Variants in SCAF1 observed in about 807,000 individuals in gnomAD.
The protein encoded by SCAF1 is SR-related CTD associated factor 1.
SCAF1 carries 28 observed loss-of-function variants against 91.2 expected under a neutral mutation model. The observed-to-expected ratio is 0.31, with a 90% CI of 0.23 to 0.42. The LOEUF (loss-of-function observed/expected upper bound fraction) is 0.42, where lower values mean the gene tolerates loss of function less well. Among genes scored for constraint, SCAF1 ranks in the 10% least tolerant of loss-of-function variants. The pLI, the probability that SCAF1 is intolerant of heterozygous loss-of-function variation, is 1.00. For missense variants in SCAF1, 1,893 were observed against 1,872.1 expected, an observed-to-expected ratio of 1.01 and a Z score of -0.21; for synonymous variants, 1,036 against 833.7, an observed-to-expected ratio of 1.24 and a Z score of -4.18.
upstream of SCAF1, among the ~76,000 whole-genome samples, chr19:49,641,277 A>T (rs2081024778): frequency 6.6e-6 from 1 of 152,130 alleles, no homozygotes; most frequent in Non-Finnish European, 1.5e-5. Flanking sequence ...GTACTGAACG[A>T]GGCGGCTATG....
rs1298721538 is a variant in SCAF1, at chr19:49,652,326, G to A, written c.1937G>A (p.Arg646Gln). Reference sequence around the variant, plus strand: ...GGCGGCAGCAAGAAGAAGAAGAAGCGGTCGCGGTCCCGGGGTGAGAAGCGG... The same window carrying A: ...GGCGGCAGCAAGAAGAAGAAGAAGCAGTCGCGGTCCCGGGGTGAGAAGCGG... ...DGGGSKKKKK[R>Q]SRSRGEKRSG... The change falls in exon 7 of 11, where the codon CGG (arginine) becomes CAG (glutamine). Residue 646 changes from arginine (R) to glutamine (Q), a missense_variant. Coordinates refer to ENST00000360565, the MANE Select transcript of SCAF1 (RefSeq NM_021228.3). The A allele has an allele frequency of 3.9e-6, 6 of 1,535,014 alleles. No homozygotes were observed. The highest frequency in any genetic ancestry group is 1.7e-4 in the Middle Eastern group (1 of 5,934).
rs188673709 is a variant in SCAF1, at chr19:49,654,065, C to G, written c.3317-284C>G. ...GCAGAGGTGGGGAGAGAGGTTGGGA[C>G]TGGCCACAGCGGGTCAGGAGGCAGA... On this transcript the variant is annotated intron_variant, in intron 7 of 10. Coordinates refer to ENST00000360565, the MANE Select transcript of SCAF1 (RefSeq NM_021228.3). Among the ~76,000 whole-genome samples, 57 of 152,256 alleles carry G rather than the reference C, an allele frequency of 3.7e-4. No homozygotes were observed. In the East Asian group the frequency reaches 0.011, roughly 29 times the overall value.
intron 6 of SCAF1, among the ~76,000 whole-genome samples, chr19:49,647,421 G>A (rs2081062082): frequency 6.6e-6 from 1 of 152,202 alleles, no homozygotes; most frequent in Admixed American, 6.5e-5. Context: ...GCAGGTCTGG[G>A]GTGGGACCTG....
chr19:49,645,443 G>GC lies in SCAF1; in HGVS notation c.166+37dup, dbSNP rs747493179. On this transcript the variant is annotated intron_variant, in intron 3 of 10. Coordinates refer to ENST00000360565, the MANE Select transcript of SCAF1 (RefSeq NM_021228.3). The surrounding 1 kb of genome is among the most constrained non-coding windows in gnomAD (Gnocchi z 4.6). ...CGGCTTCCGGTTCCTTTTAGCCCCT[G>GC]CCCCCTCTCTGCATTCTTTATCCTA... 1.3e-6 allele frequency: 2 copies of GC among 1,595,910 alleles called. No homozygotes were observed. Among genetic ancestry groups the GC allele is most frequent in the South Asian group, 2.2e-5 (2 of 90,104 alleles).
At position 49,645,399 on chromosome 19, in the gene SCAF1, C is replaced by T; in HGVS notation, c.154C>T (p.Pro52Ser). Residue 52 changes from proline (P) to serine (S), a missense_variant, in exon 3 of 11, where the codon CCC becomes TCC. Physicochemically the swap from Pro to Ser is moderately conservative, Grantham distance 74. This residue lies in a region of SCAF1 where 270 missense variants were observed against 292.5 expected (regional missense o/e 0.92). Coordinates refer to ENST00000360565, the MANE Select transcript of SCAF1 (RefSeq NM_021228.3). This position sits in a 1 kb window ranked among gnomAD's most constrained non-coding sequence, Gnocchi z 4.6. ...AVGSSLQGDL[P>S]NDKDGSRCHG... ...GGGAAGCTCCCTGCAGGGGGACCTG[C>T]CCAATGATAAAGGTATGGCGGCTTC... 1 of 1,613,732 alleles carries T rather than the reference C, an allele frequency of 6.2e-7. No homozygotes were observed. The highest frequency in any genetic ancestry group is 8.5e-7 in the Non-Finnish European group (1 of 1,179,830).
In SCAF1 at chr19:49,653,374, G is replaced by A; in HGVS notation, c.2985G>A (p.Val995=). ...PPALTPDSQT[V]DSSCKTPEVS... ...CCCTCACTCCGGACTCGCAGACCGTGGACAGCAGCTGCAAGACACCTGAGG... is the reference window on the plus strand; with the variant it reads ...CCCTCACTCCGGACTCGCAGACCGTAGACAGCAGCTGCAAGACACCTGAGG... Residue 995 remains valine, a synonymous_variant, in exon 7 of 11, where the codon GTG becomes GTA. Coordinates refer to ENST00000360565, the MANE Select transcript of SCAF1 (RefSeq NM_021228.3). The A allele has an allele frequency of 6.6e-7, 1 of 1,519,970 alleles. No homozygotes were observed. The highest frequency in any genetic ancestry group is 8.8e-7 in the Non-Finnish European group (1 of 1,131,574). 94.2% of individuals were successfully genotyped at this position (1,519,970 alleles called of 1,614,324 possible).
At position 49,657,922 on chromosome 19, in the gene SCAF1, C is replaced by A. The variant is rs769184425; in HGVS notation, c.3747+33C>A. ...CCCGGAGAGAGGGGCAGACACAGGCCGGGGAGAGAACGAGCTGGAGGGACA... is the reference window on the plus strand; with the variant it reads ...CCCGGAGAGAGGGGCAGACACAGGCAGGGGAGAGAACGAGCTGGAGGGACA... On this transcript the variant is annotated intron_variant, in intron 10 of 10. Transcript: ENST00000360565. 5 of 1,604,620 alleles carry A rather than the reference C, an allele frequency of 3.1e-6. No homozygotes were observed. The Middle Eastern group carries it at 5.0e-4, about 159-fold the overall frequency.
At chr19:49,655,008 C>T (rs930965598) in intron 9 of SCAF1, 138 bp downstream of exon 9, 2 of 665,556 alleles carry the variant, frequency 3.0e-6, no homozygotes, top group African/African-American at 1.8e-5. Flanking sequence ...GTCATGGAAC[C>T]ATAAGGAACT....
At position 49,645,485 on chromosome 19, in the gene SCAF1, C is replaced by A; in HGVS notation, c.166+74C>A. 1 of 1,504,748 alleles carries A rather than the reference C, an allele frequency of 6.6e-7. No homozygotes were observed. The highest frequency in any genetic ancestry group is 9.1e-7 in the Non-Finnish European group (1 of 1,101,406). The allele number at this position is 1,504,748 out of a possible 1,614,324, so 93.2% of individuals were successfully genotyped here. ...TTTATCCTAATGTCATTCATACAAG[C>A]TTTTCTGAAGCCTCCTGGGTGCCAC... On this transcript the variant is annotated intron_variant, in intron 3 of 10. Transcript: ENST00000360565. The surrounding 1 kb of genome is among the most constrained non-coding windows in gnomAD (Gnocchi z 4.6).
At chr19:49,641,543 CT>C (rs1432579493), upstream of SCAF1, among the ~76,000 whole-genome samples, 1 of 152,202 alleles carries the variant, frequency 6.6e-6, no homozygotes, top group African/African-American at 2.4e-5. Flanking sequence ...TCTTGAACTC[CT>C]GATATCAGAT....
rs139442151 is a variant in SCAF1, at chr19:49,645,047, T to A, written c.21T>A (p.Ser7=). Residue 7 remains serine, a synonymous_variant, in exon 2 of 11, where the codon TCT becomes TCA. Transcript: ENST00000360565. The surrounding 1 kb of genome is among the most constrained non-coding windows in gnomAD (Gnocchi z 4.6). ...TGACCATGGAGGAAGAAGATGAGTC[T>A]CGAGGGAAGACAGAGGAGTCGGGGG... MEEEDE[S]RGKTEESGED... is the part of the protein sequence containing the mutation. 384 of 1,613,892 alleles carry A rather than the reference T, an allele frequency of 2.4e-4. No homozygotes were observed. Among genetic ancestry groups the A allele is most frequent in the Non-Finnish European group, 2.9e-4 (342 of 1,179,936 alleles).
intron 10 of SCAF1, 46 bp from the exon 11 acceptor site, chr19:49,658,162 G>A: frequency 6.3e-7 from 1 of 1,582,974 alleles, no homozygotes; most frequent in African/African-American, 1.3e-5. Context: ...GGGTGGATGG[G>A]GCCCCGGGAG....
intron 1 of SCAF1, among the ~76,000 whole-genome samples, chr19:49,643,671 T>A (rs546206455): frequency 6.6e-6 from 1 of 152,336 alleles, no homozygotes; most frequent in Admixed American, 6.5e-5. Flanking sequence ...CAGCAGATGT[T>A]GATTAAGCTT....
At chr19:49,650,846 C>T (rs746067826) in intron 6 of SCAF1, 22 bp from the exon 7 acceptor site, 1 of 1,590,630 alleles carries the variant, frequency 6.3e-7, no homozygotes, top group Non-Finnish European at 8.6e-7. Context: ...CTGACCGCCT[C>T]TCTCTCCCTG....
intron 1 of SCAF1, among the ~76,000 whole-genome samples, chr19:49,643,053 T>C (rs2081036023): frequency 6.6e-6 from 1 of 152,226 alleles, no homozygotes; most frequent in Admixed American, 6.5e-5. Flanking sequence ...CAGAGCAGCT[T>C]GTGGCGAATA....
rs1473678943 is a variant in SCAF1 at position 49,652,018 on chromosome 19, G to A, written c.1629G>A (p.Pro543=). 4 of 1,207,806 alleles carry A rather than the reference G, an allele frequency of 3.3e-6. No individual in the cohort carries two copies. Among genetic ancestry groups the A allele is most frequent in the Non-Finnish European group, 3.1e-6 (3 of 962,946 alleles). 74.8% of individuals were successfully genotyped at this position (1,207,806 alleles called of 1,614,324 possible). A position where few individuals can be genotyped will look rare whatever the true frequency, so the allele number is the denominator to read the frequency against. The change falls in exon 7 of 11, where the codon CCG becomes CCA. Residue 543 remains proline (P), a synonymous_variant. Coordinates refer to ENST00000360565, the MANE Select transcript of SCAF1 (RefSeq NM_021228.3). The stretch of plus-strand genomic sequence containing the variant: ...CCTCGTCGGGCACCCAGCCAGCGCC[G>A]CCCGCCCCGGCCTCGCCCTGGGACT... ...ASSSSGTQPA[P]PAPASPWDSK...
chr19:49,652,409 T>C lies in SCAF1; in HGVS notation c.2020T>C (p.Ser674Pro). 6.3e-7 allele frequency: 1 copy of C among 1,592,272 alleles called. No homozygotes were observed. The highest frequency in any genetic ancestry group is 8.5e-7 in the Non-Finnish European group (1 of 1,173,538). The change falls in exon 7 of 11, where the codon TCG (serine) becomes CCG (proline). Residue 674 changes from serine to proline, a missense_variant. Transcript: ENST00000360565. The stretch of plus-strand genomic sequence containing the variant: ...CGCCCCGCCGCCCTCTGGCTCCACC[T>C]CGTGTGGTGACCGCGACAGCCGCCG... ...APAPPPSGST[S>P]CGDRDSRRRG... is the part of the protein sequence containing the mutation.
At position 49,646,491 on chromosome 19, in the gene SCAF1, C is replaced by G. The variant is rs1394654552; in HGVS notation, c.262-35C>G. The G allele has an allele frequency of 5.7e-6, 9 of 1,581,346 alleles. No individual in the cohort carries two copies. Among genetic ancestry groups the G allele is most frequent in the East Asian group, 2.2e-5 (1 of 44,676 alleles). The stretch of plus-strand genomic sequence containing the variant: ...CAGGATTTGCCAGTCTTCATGTGAC[C>G]AGGGACGGCGTAGAGCCTCTCTGGC... On this transcript the variant is annotated intron_variant, in intron 4 of 10. Coordinates refer to ENST00000360565, the MANE Select transcript of SCAF1 (RefSeq NM_021228.3). This position sits in a 1 kb window ranked among gnomAD's most constrained non-coding sequence, Gnocchi z 5.6.
intron 1 of SCAF1, among the ~76,000 whole-genome samples, chr19:49,643,858 G>C (rs898581532): frequency 6.6e-6 from 1 of 152,218 alleles, no homozygotes; most frequent in African/African-American, 2.4e-5. Flanking sequence ...GTGGAGCTGG[G>C]AGGCTGAATA....
Sources: gnomAD v4.1 joint callset for allele counts (sites outside exome capture counted in the v4.1 genomes callset) on GRCh38, gnomAD v4.1.1 for gene constraint, gnomAD v4.1.1 regional missense constraint, Gnocchi (gnomAD v3.1) non-coding constraint, MANE v1.5 for transcripts, NCBI Gene and HGNC (gene_info 2026-07-23, HGNC 2026-07-21) for gene names.